ADGRE3: variants seen among roughly 807,000 people sequenced by gnomAD.
The protein encoded by ADGRE3 is EGF-like module receptor 3.
Under a neutral mutation model 80.1 loss-of-function variants are expected in ADGRE3, and 88 were observed. That is an observed-to-expected ratio of 1.10 (90% CI 0.93 to 1.31). The LOEUF is 1.31. ADGRE3 is among the 40% of genes most tolerant of loss of function. ADGRE3 has a pLI of 0.00. For synonymous variants in ADGRE3, 281 were observed against 294.8 expected, an observed-to-expected ratio of 0.95 and a Z score of 0.48; for missense variants, 715 against 776.5, an observed-to-expected ratio of 0.92 and a Z score of 0.94.
At chr19:14,636,490 A>C (rs1026265661) in intron 11 of ADGRE3, among the ~76,000 whole-genome samples, 1 of 151,894 alleles carries the variant, frequency 6.6e-6, no homozygotes, top group African/African-American at 2.4e-5. Context: ...TACAGGCATG[A>C]GTCACCGTGC....
intron 8 of ADGRE3, among the ~76,000 whole-genome samples, chr19:14,645,128 C>G (rs1971362525): frequency 6.6e-6 from 1 of 151,824 alleles, no homozygotes; most frequent in Non-Finnish European, 1.5e-5. Context: ...ACCACAGTTT[C>G]AAGAGATTTC....
intron 4 of ADGRE3, among the ~76,000 whole-genome samples, chr19:14,659,216 T>C (rs1971868716): frequency 6.8e-6 from 1 of 146,844 alleles, no homozygotes; most frequent in South Asian, 2.2e-4. Flanking sequence ...TTTTTTTTTG[T>C]ATTTTTTGTA....
intron 15 of ADGRE3, among the ~76,000 whole-genome samples, chr19:14,620,992 C>A (rs768615856): frequency 1.3e-5 from 2 of 151,970 alleles, no homozygotes; most frequent in African/African-American, 4.8e-5. Flanking sequence ...CACTTTTACT[C>A]TTGTTGAGAA....
Position 14,662,018 on chromosome 19 carries a change from A to G in ADGRE3, c.300T>C (p.Tyr100=), listed in dbSNP as rs756417187. Residue 100 remains tyrosine (Y), a synonymous_variant, in exon 4 of 16, where the codon TAT becomes TAC. Transcript: ENST00000253673. The part of the protein sequence containing the change: ...GSFYCQCVPG[Y]RLHSGNEQFS... ...ATTGTTCATTCCCAGAATGCAGTCT[A>G]TATCCTGGGACACATTGACAGTAGA... is the stretch of plus-strand genomic sequence containing the variant. The G allele has an allele frequency of 1.2e-6, 2 of 1,614,026 alleles. No individual in the cohort carries two copies.
At chr19:14,636,219 TCTTTC>T (rs1971081369) in intron 11 of ADGRE3, among the ~76,000 whole-genome samples, 1 of 145,984 alleles carries the variant, frequency 6.9e-6, no homozygotes, top group African/African-American at 2.5e-5. Flanking sequence ...TTTTCTTTTT[TCTTTC>T]CTTTTTCTTT....
At position 14,620,548 on chromosome 19, in the gene ADGRE3, TTA is replaced by T. The variant is rs1555753132; in HGVS notation, c.1921-1079_1921-1078del. On this transcript the variant is annotated intron_variant, in intron 15 of 15. Transcript: ENST00000253673. The stretch of plus-strand genomic sequence containing the variant: ...TGAATATATATATTTTATATATATA[TTA>T]TATATATATATATATATATTTTTTT... Among the ~76,000 whole-genome samples, 67 of 24,974 alleles carry T rather than the reference TTA, an allele frequency of 2.7e-3. 2 individuals are homozygous for T. The highest frequency in any genetic ancestry group is 4.5e-3 in the East Asian group (3 of 666). 16.4% of individuals were successfully genotyped at this position (24,974 alleles called of 152,430 possible).
chr19:14,661,169 C>G (rs1040952887), intron 4 of ADGRE3, among the ~76,000 whole-genome samples: 3 of 152,054 alleles, frequency 2.0e-5, no homozygotes, highest in Non-Finnish European at 2.9e-5. Context: ...CTTGAACTCC[C>G]GGTCTCGAGT....
chr19:14,668,894 TGAG>T (rs1176870223), intron 1 of ADGRE3, 42 bp from the exon 2 acceptor site: 2 of 1,579,670 alleles, frequency 1.3e-6, no homozygotes, highest in Non-Finnish European at 1.7e-6. Flanking sequence ...ATGAAACAAT[TGAG>T]GAGAGATTCC....
At chr19:14,617,341 C>CCTCTCTTT, downstream of ADGRE3, among the ~76,000 whole-genome samples, 3 of 57,170 alleles carry the variant, frequency 5.2e-5, no homozygotes, top group African/African-American at 1.8e-4. Flanking sequence ...TCCCTCCCTC[C>CCTCTCTTT]CTTTCTTTCT....
intron 2 of ADGRE3, among the ~76,000 whole-genome samples, chr19:14,665,574 C>T (rs184135961): frequency 6.6e-6 from 1 of 152,018 alleles, no homozygotes; most frequent in African/African-American, 2.4e-5. Flanking sequence ...ACTGCAGCCT[C>T]AACCTCCTGG....
intron 5 of ADGRE3, among the ~76,000 whole-genome samples, chr19:14,658,045 G>T (rs113052770): frequency 6.7e-4 from 102 of 152,128 alleles, no homozygotes; most frequent in African/African-American, 2.4e-3. Flanking sequence ...GATTACAGGC[G>T]TGAGCCACCA....
chr19:14,606,238 C>T, the ADGRE3 span, among the ~76,000 whole-genome samples: 1 of 151,978 alleles, frequency 6.6e-6, no homozygotes, highest in African/African-American at 2.4e-5. Context: ...AAGACGTCCA[C>T]AGTATGAGGC....
In ADGRE3 at chr19:14,634,364, T is replaced by C. The variant is rs1032635292; in HGVS notation, c.1485-1062A>G. 1.1e-3 allele frequency among the ~76,000 whole-genome samples: 165 copies of C among 152,284 alleles called. 1 individual carries two copies. Among genetic ancestry groups the C allele is most frequent in the African/African-American group, 3.7e-3 (153 of 41,556 alleles). ...GCCTTATTGAACCTATTACACACAA[T>C]TGGAGATACATATTTAAATTGGTAT... On this transcript the variant is annotated intron_variant, in intron 11 of 15. Transcript: ENST00000253673.
In ADGRE3 at chr19:14,638,361, G is replaced by A. The variant is rs763192664; in HGVS notation, c.1249-21C>T. The A allele has an allele frequency of 2.5e-6, 4 of 1,589,682 alleles. No homozygotes were observed. The Admixed American group carries it at 6.7e-5, about 27-fold the overall frequency. Reference sequence around the variant, plus strand: ...AGCACCTGGGGGAGGAGAAAGGGATGCCTGAAGGGGTTGTCAGGGTGGAGT... The same window carrying A: ...AGCACCTGGGGGAGGAGAAAGGGATACCTGAAGGGGTTGTCAGGGTGGAGT... On this transcript the variant is annotated intron_variant, in intron 10 of 15. Coordinates refer to ENST00000253673, the MANE Select transcript of ADGRE3 (RefSeq NM_032571.5).
intron 12 of ADGRE3, 95 bp from the exon 13 acceptor site, chr19:14,633,107 G>T: frequency 8.0e-7 from 1 of 1,252,002 alleles, no homozygotes; most frequent in East Asian, 2.4e-5. Context: ...TCTTGTACAT[G>T]GGACTGAATT....
At chr19:14,664,160 G>A (rs866334001) in intron 2 of ADGRE3, among the ~76,000 whole-genome samples, 12 of 152,044 alleles carry the variant, frequency 7.9e-5, no homozygotes, top group Middle Eastern at 3.2e-3. Context: ...AAAATTAGCC[G>A]GGTGTGGTGG....
downstream of ADGRE3, among the ~76,000 whole-genome samples, chr19:14,617,341 C>CCTTCCTTCCTTTCTTTCTTTCTTT (rs1555752262): frequency 3.5e-5 from 2 of 57,170 alleles, 1 homozygote; most frequent in African/African-American, 1.2e-4. Context: ...TCCCTCCCTC[C>CCTTCCTTCCTTTCTTTCTTTCTTT]CTTTCTTTCT....
chr19:14,617,324 C>CCCTT (rs2075081295), downstream of ADGRE3, among the ~76,000 whole-genome samples: 1 of 68,898 alleles, frequency 1.5e-5, no homozygotes, highest in Non-Finnish European at 3.1e-5. Context: ...CCCCTTGCTT[C>CCCTT]CCTCCCTCCC....
chr19:14,626,900 C>T (rs1302693194), intron 14 of ADGRE3, among the ~76,000 whole-genome samples: 1 of 152,184 alleles, frequency 6.6e-6, no homozygotes, highest in Non-Finnish European at 1.5e-5. Context: ...TCTTTGGCAT[C>T]ACCAGTTTGC....
Sources: allele counts gnomAD v4.1 joint callset (sites outside exome capture counted in the v4.1 genomes callset), GRCh38; gene constraint gnomAD v4.1.1; transcripts MANE v1.5; gene names NCBI Gene and HGNC (gene_info 2026-07-23, HGNC 2026-07-21).